The following MCTP1 variants were observed in gnomAD, a reference collection of about 807,000 sequenced individuals.
The protein encoded by MCTP1 is multiple C2 and transmembrane domain containing 1.
Under a neutral mutation model 120.6 loss-of-function variants are expected in MCTP1, and 69 were observed. The observed-to-expected ratio is 0.57, with a 90% CI of 0.47 to 0.70. The LOEUF is 0.70. MCTP1 is among the 30% of genes least tolerant of loss of function. MCTP1 has a pLI of 0.00. For synonymous variants in MCTP1, 529 were observed against 493.1 expected (o/e 1.07, Z -0.96); for missense variants, 1,203 against 1,248.8 (o/e 0.96, Z 0.55).
chr5:95,198,421 TAAATA>T (rs1297277435), intron 1 of MCTP1, among the ~76,000 whole-genome samples: 1 of 152,178 alleles, frequency 6.6e-6, no homozygotes, highest in African/African-American at 2.4e-5. Context: ...AGTACAGAAT[TAAATA>T]AATTATATGA....
intron 1 of MCTP1, among the ~76,000 whole-genome samples, chr5:95,054,676 A>G (rs1233910334): frequency 6.6e-6 from 1 of 152,236 alleles, no homozygotes; most frequent in Non-Finnish European, 1.5e-5. Flanking sequence ...TGTGAAAAAG[A>G]CCATAATGGG....
intron 1 of MCTP1, among the ~76,000 whole-genome samples, chr5:95,204,395 A>C (rs1032774129): frequency 2.0e-5 from 3 of 152,240 alleles, no homozygotes; most frequent in Middle Eastern, 3.4e-3. Flanking sequence ...CATCCAAAAA[A>C]ACTCATAGCT....
chr5:95,087,610 C>G (rs552611164), intron 1 of MCTP1, among the ~76,000 whole-genome samples: 1 of 152,302 alleles, frequency 6.6e-6, no homozygotes, highest in East Asian at 1.9e-4. Context: ...ATGAGACAAA[C>G]AAAAGCTTTT....
At chr5:94,847,716 G>T (rs1230815535) in intron 17 of MCTP1, among the ~76,000 whole-genome samples, 1 of 147,022 alleles carries the variant, frequency 6.8e-6, no homozygotes. Flanking sequence ...GTATGTTGGG[G>T]GTGTAAATTT....
chr5:94,718,936 G>A (rs1760195398), intron 19 of MCTP1, among the ~76,000 whole-genome samples: 1 of 152,122 alleles, frequency 6.6e-6, no homozygotes, highest in South Asian at 2.1e-4. Flanking sequence ...GGCCAGGCTG[G>A]TCTCGAACTC....
intron 9 of MCTP1, among the ~76,000 whole-genome samples, chr5:94,910,866 A>G (rs1474223224): frequency 6.6e-6 from 1 of 152,240 alleles, no homozygotes; most frequent in Non-Finnish European, 1.5e-5. Flanking sequence ...AATGAAGGCT[A>G]TGATAATTTA....
chr5:94,878,901 A>G (rs1799475475), intron 12 of MCTP1, among the ~76,000 whole-genome samples: 1 of 152,064 alleles, frequency 6.6e-6, no homozygotes, highest in Non-Finnish European at 1.5e-5. Context: ...GGCACTGCTT[A>G]TAGATTTAAT....
At chr5:95,138,754 T>C (rs1343640821) in intron 1 of MCTP1, among the ~76,000 whole-genome samples, 1 of 152,222 alleles carries the variant, frequency 6.6e-6, no homozygotes, top group African/African-American at 2.4e-5. Context: ...GGTATTATTA[T>C]CTTCTTTATC....
chr5:94,799,154 A>G (rs1345050410), intron 17 of MCTP1, 22 bp from the exon 18 acceptor site: 1 of 1,605,778 alleles, frequency 6.2e-7, no homozygotes, highest in Non-Finnish European at 8.5e-7. Context: ...AGAAGAGAGA[A>G]GAAGGGATGA....
chr5:95,241,569 A>G (rs1756164941), intron 1 of MCTP1, among the ~76,000 whole-genome samples: 1 of 152,144 alleles, frequency 6.6e-6, no homozygotes, highest in Non-Finnish European at 1.5e-5. Context: ...CATCTCAAAG[A>G]CCACATTATT....
chr5:94,904,046 G>A (rs944421710), intron 10 of MCTP1, among the ~76,000 whole-genome samples: 2 of 152,188 alleles, frequency 1.3e-5, no homozygotes, highest in South Asian at 4.1e-4. Flanking sequence ...AAATGCAGGT[G>A]ATCAGAAAGT....
chr5:94,775,648 T>C (rs1775125005), intron 19 of MCTP1, among the ~76,000 whole-genome samples: 3 of 152,030 alleles, frequency 2.0e-5, no homozygotes, highest in Admixed American at 2.0e-4. Context: ...TCAGGAAAAA[T>C]GTCATCTCCA....
chr5:94,781,549 C>T (rs1327859704), intron 18 of MCTP1, among the ~76,000 whole-genome samples: 1 of 152,168 alleles, frequency 6.6e-6, no homozygotes, highest in Admixed American at 6.5e-5. Flanking sequence ...TGCTTTCAAA[C>T]ATTTGCCTGG....
intron 17 of MCTP1, among the ~76,000 whole-genome samples, chr5:94,806,386 A>G (rs1782297924): frequency 6.6e-6 from 1 of 152,230 alleles, no homozygotes; most frequent in South Asian, 2.1e-4. Context: ...GTCATATGAA[A>G]CAAGGCATAC....
At chr5:94,842,158 T>G (rs144933147) in intron 17 of MCTP1, among the ~76,000 whole-genome samples, 281 of 152,272 alleles carry the variant, frequency 1.8e-3, no homozygotes, top group South Asian at 6.0e-3. Context: ...AAAAGAGACT[T>G]GAGAAGGTTT....
chr5:95,196,285 T>C (rs1176408985), intron 1 of MCTP1, among the ~76,000 whole-genome samples: 1 of 152,232 alleles, frequency 6.6e-6, no homozygotes. Context: ...CATTTCACTG[T>C]TTATACTATA....
At chr5:95,124,960 T>C (rs1352679506) in intron 1 of MCTP1, among the ~76,000 whole-genome samples, 5 of 152,234 alleles carry the variant, frequency 3.3e-5, no homozygotes, top group East Asian at 1.9e-4. Context: ...GAACAGGTTA[T>C]AGCTAAATCA....
chr5:95,081,326 C>T, intron 1 of MCTP1: 2 of 962,242 alleles, frequency 2.1e-6, no homozygotes, highest in South Asian at 1.6e-5. Context: ...CCTTCAATAC[C>T]CCGTGAGAAG....
chr5:94,961,327 C>T (rs2153557882), intron 2 of MCTP1, among the ~76,000 whole-genome samples: 1 of 152,092 alleles, frequency 6.6e-6, no homozygotes, highest in East Asian at 1.9e-4. Context: ...ATGTAGATGA[C>T]AGGTTGATGG....
Sources: allele counts gnomAD v4.1 joint callset (sites outside exome capture counted in the v4.1 genomes callset), GRCh38; gene constraint gnomAD v4.1.1; transcripts MANE v1.5; gene names NCBI Gene and HGNC (gene_info 2026-07-23, HGNC 2026-07-21).